Variants in SPHKAP observed in about 807,000 individuals in gnomAD.
SPHKAP encodes SPHK1 interactor, AKAP domain containing, also known as A-kinase anchor protein SPHKAP.
Under a neutral mutation model 137.5 loss-of-function variants are expected in SPHKAP, and 67 were observed. The ratio of observed to expected loss-of-function variants is 0.49; its 90% CI spans 0.40 to 0.60. The LOEUF is 0.60. SPHKAP is among the 20% of genes least tolerant of loss of function. SPHKAP has a pLI of 0.00. For synonymous variants in SPHKAP, 813 were observed against 785.3 expected (o/e 1.04, Z -0.59); for missense variants, 2,097 against 2,069.3 (o/e 1.01, Z -0.26).
intron 1 of SPHKAP, among the ~76,000 whole-genome samples, chr2:228,163,806 C>G (rs1700344469): frequency 6.6e-6 from 1 of 152,144 alleles, no homozygotes; most frequent in Non-Finnish European, 1.5e-5. Flanking sequence ...AAAATGTCAT[C>G]TTAATGACAG....
At chr2:228,113,679 T>A (rs1202236056) in intron 2 of SPHKAP, among the ~76,000 whole-genome samples, 1 of 146,142 alleles carries the variant, frequency 6.8e-6, no homozygotes, top group Non-Finnish European at 1.5e-5. Flanking sequence ...GAGGTTTGAA[T>A]TCCAGTCCTG....
intron 2 of SPHKAP, chr2:228,131,636 TTAATA>T (rs1699254261): frequency 9.3e-6 from 3 of 323,616 alleles, no homozygotes; most frequent in Admixed American, 6.5e-5. Context: ...ATTTAGTAAC[TTAATA>T]TAATATGTTG....
At chr2:228,092,617 A>G (rs1193583891) in intron 3 of SPHKAP, among the ~76,000 whole-genome samples, 1 of 146,538 alleles carries the variant, frequency 6.8e-6, no homozygotes, top group Admixed American at 6.9e-5. Context: ...TATATGTGCC[A>G]TATATATGTG....
At chr2:228,154,512 C>CTCTCTCTATATA (rs1393941364) in intron 1 of SPHKAP, among the ~76,000 whole-genome samples, 42 of 22,062 alleles carry the variant, frequency 1.9e-3, no homozygotes, top group African/African-American at 4.2e-3. Flanking sequence ...CTCTCTCTCT[C>CTCTCTCTATATA]TATATATATA....
intron 3 of SPHKAP, among the ~76,000 whole-genome samples, chr2:228,037,465 T>C (rs1035086675): frequency 1.3e-5 from 2 of 152,208 alleles, no homozygotes; most frequent in African/African-American, 2.4e-5. Context: ...GGCACATTCA[T>C]GTTGCAATGT....
chr2:228,018,548 G>A lies in SPHKAP; in HGVS notation c.2306C>T (p.Ser769Phe), dbSNP rs144775838. The A allele has an allele frequency of 6.6e-5, 106 of 1,613,864 alleles. No homozygotes were observed. In the African/African-American group the frequency reaches 8.5e-4, roughly 13 times the overall value. Residue 769 changes from serine to phenylalanine, a missense_variant, in exon 7 of 12, where the codon TCC (serine) becomes TTC (phenylalanine). Physicochemically the swap from Ser to Phe is radical, Grantham distance 155. Coordinates refer to ENST00000392056, the MANE Select transcript of SPHKAP (RefSeq NM_001142644.2). ...SQAWTKATES[S>F]SSSPLSNSHN... The stretch of plus-strand genomic sequence containing the variant: ...TGAATTGCTAAGTGGAGAGCTGCTG[G>A]AGGATTCAGTGGCTTTTGTCCAAGC...
intron 1 of SPHKAP, among the ~76,000 whole-genome samples, chr2:228,136,912 C>A (rs982130776): frequency 2.0e-5 from 3 of 152,064 alleles, no homozygotes; most frequent in African/African-American, 7.2e-5. Context: ...CCCCACCTTC[C>A]CTTCTTGATA....
intron 3 of SPHKAP, among the ~76,000 whole-genome samples, chr2:228,073,060 A>T (rs1180934575): frequency 6.6e-6 from 1 of 152,250 alleles, no homozygotes; most frequent in Non-Finnish European, 1.5e-5. Context: ...AGCCATACTA[A>T]CTGGAACAGA....
chr2:228,036,281 A>C (rs2106249303), intron 3 of SPHKAP, among the ~76,000 whole-genome samples: 1 of 152,282 alleles, frequency 6.6e-6, no homozygotes, highest in East Asian at 1.9e-4. Context: ...CACATGAAAA[A>C]ATGCTCCTCA....
intron 1 of SPHKAP, among the ~76,000 whole-genome samples, chr2:228,170,441 A>G (rs777132265): frequency 1.3e-5 from 2 of 152,136 alleles, no homozygotes; most frequent in Non-Finnish European, 2.9e-5. Flanking sequence ...GGAGTTTTTC[A>G]TGAAAAGCAG....
rs757717800 is a variant in SPHKAP, at chr2:228,021,964, G to A, written c.444C>T (p.Cys148=). Reference sequence around the variant, plus strand: ...CCAAGCAGATATCTGGCAGCCAAGGGCACTAAAAGTGGAGAGAAAAGAAGG... The same window carrying A: ...CCAAGCAGATATCTGGCAGCCAAGGACACTAAAAGTGGAGAGAAAAGAAGG... The part of the protein sequence containing the change: ...NLQADFEVSQ[C]PWLPDICLVQ... The change falls in exon 6 of 12, where the codon TGC becomes TGT. Residue 148 remains cysteine, a splice_region_variant and synonymous_variant. Transcript: ENST00000392056. 3 of 1,584,492 alleles carry A rather than the reference G, an allele frequency of 1.9e-6. No homozygotes were observed. Among genetic ancestry groups the A allele is most frequent in the Non-Finnish European group, 2.6e-6 (3 of 1,166,656 alleles).
chr2:227,999,714 G>A (rs1157135472), intron 7 of SPHKAP, among the ~76,000 whole-genome samples: 1 of 152,160 alleles, frequency 6.6e-6, no homozygotes, highest in Non-Finnish European at 1.5e-5. Flanking sequence ...TAGGAGTTCA[G>A]AATGAATAAT....
chr2:227,981,121 G>A lies in SPHKAP; in HGVS notation c.*596C>T, dbSNP rs1003972049. ...GGGAGAAGTGAGATATTTATCAGTG[G>A]GCTGCAGGGAATAAATGAAATCACC... is the stretch of plus-strand genomic sequence containing the variant. On this transcript the variant is annotated 3_prime_UTR_variant, in exon 12 of 12. Transcript: ENST00000392056. 1 of 152,116 alleles carries A rather than the reference G, an allele frequency of 6.6e-6. No individual in the cohort carries two copies. The highest frequency in any genetic ancestry group is 1.5e-5 in the Non-Finnish European group (1 of 68,026). 9.4% of individuals were successfully genotyped at this position (152,116 alleles called of 1,614,324 possible).
intron 2 of SPHKAP, 135 bp downstream of exon 2, chr2:228,131,845 G>A: frequency 7.1e-7 from 1 of 1,411,174 alleles, no homozygotes; most frequent in Non-Finnish European, 9.4e-7. Flanking sequence ...AGGCTTACTT[G>A]GGAAAGCAAA....
intron 2 of SPHKAP, among the ~76,000 whole-genome samples, chr2:228,124,412 G>GAT (rs1197914277): frequency 6.6e-6 from 1 of 152,014 alleles, no homozygotes; most frequent in African/African-American, 2.4e-5. Context: ...CATAAAAAAT[G>GAT]ATGAGTTCAT....
chr2:228,180,556 A>G (rs952741733), intron 1 of SPHKAP, among the ~76,000 whole-genome samples: 1 of 152,112 alleles, frequency 6.6e-6, no homozygotes, highest in African/African-American at 2.4e-5. Flanking sequence ...TGGGGAAAAG[A>G]GGGAGTAGGG....
chr2:227,987,633 C>A (rs1693260371), intron 11 of SPHKAP, among the ~76,000 whole-genome samples: 1 of 152,140 alleles, frequency 6.6e-6, no homozygotes, highest in Admixed American at 6.5e-5. Context: ...ATTGGGCACT[C>A]AGAATGTTTG....
In SPHKAP at chr2:228,092,099, A is replaced by ATGTATATATG. The variant is rs1303132492; in HGVS notation, c.246+16732_246+16733insCATATATACA. On this transcript the variant is annotated intron_variant, in intron 3 of 11. Coordinates refer to ENST00000392056, the MANE Select transcript of SPHKAP (RefSeq NM_001142644.2). Reference sequence around the variant, plus strand: ...TATATGTATATATATGTGTGTATATATGTATATATACACATATATACATAT... The same window carrying ATGTATATATG: ...TATATGTATATATATGTGTGTATATATGTATATATGTGTATATATACACATATATACATAT... Among the ~76,000 whole-genome samples the ATGTATATATG allele has an allele frequency of 3.5e-3, 521 of 148,548 alleles. 7 individuals carry two copies. The highest frequency in any genetic ancestry group is 0.011 in the African/African-American group (459 of 40,494).
At chr2:228,045,974 G>A (rs765692473) in intron 3 of SPHKAP, among the ~76,000 whole-genome samples, 8 of 152,086 alleles carry the variant, frequency 5.3e-5, no homozygotes. Flanking sequence ...AGATGAATCA[G>A]TTCTGGAGAT....
Sources: gnomAD v4.1 joint callset for allele counts (sites outside exome capture counted in the v4.1 genomes callset) on GRCh38, gnomAD v4.1.1 for gene constraint, MANE v1.5 for transcripts, NCBI Gene and HGNC (gene_info 2026-07-23, HGNC 2026-07-21) for gene names.